The following TBC1D5 variants were observed in gnomAD, a reference collection of about 807,000 sequenced individuals.
The protein encoded by TBC1D5 is TBC1 domain family member 5.
Under a neutral mutation model 100.3 loss-of-function variants are expected in TBC1D5, and 75 were observed. The observed-to-expected ratio is 0.75, with a 90% CI of 0.62 to 0.91. The LOEUF is 0.91. Among genes scored for constraint, TBC1D5 ranks in the 40% least tolerant of loss-of-function variants. The pLI, the probability that TBC1D5 is intolerant of heterozygous loss-of-function variation, is 0.00. For synonymous variants in TBC1D5, 323 were observed against 325.6 expected (o/e 0.99, Z 0.09); for missense variants, 910 against 942.4 (o/e 0.97, Z 0.45).
intron 8 of TBC1D5, among the ~76,000 whole-genome samples, chr3:17,385,859 A>G (rs911288170): frequency 6.6e-6 from 1 of 152,092 alleles, no homozygotes; most frequent in African/African-American, 2.4e-5. Context: ...TAGGGGTGGC[A>G]CAATTAACTT....
At chr3:17,288,754 C>G (rs773649036) in intron 15 of TBC1D5, among the ~76,000 whole-genome samples, 6 of 152,158 alleles carry the variant, frequency 3.9e-5, no homozygotes, top group Non-Finnish European at 5.9e-5. Context: ...CCCTCCTCAC[C>G]CTTCAATTGT....
chr3:17,515,708 G>A (rs1298836870), intron 2 of TBC1D5, among the ~76,000 whole-genome samples: 1 of 152,108 alleles, frequency 6.6e-6, no homozygotes, highest in Non-Finnish European at 1.5e-5. Context: ...TCGCATGCAA[G>A]CTGTTTCGAA....
intron 13 of TBC1D5, among the ~76,000 whole-genome samples, chr3:17,327,288 C>T (rs1344052526): frequency 6.6e-6 from 1 of 152,138 alleles, no homozygotes; most frequent in East Asian, 1.9e-4. Context: ...CTCTTGTCTT[C>T]CTATAGTCCA....
intron 17 of TBC1D5, 99 bp from the exon 18 acceptor site, chr3:17,233,849 C>T (rs1340429717): frequency 1.6e-6 from 1 of 640,382 alleles, no homozygotes; most frequent in Admixed American, 3.5e-5. Context: ...AATCAAATTA[C>T]TAAAAATATA....
At chr3:17,399,409 T>C (rs1460410215) in intron 8 of TBC1D5, among the ~76,000 whole-genome samples, 1 of 152,098 alleles carries the variant, frequency 6.6e-6, no homozygotes. Context: ...CAGAAACTTA[T>C]GAATGTGAGA....
chr3:17,354,616 C>T (rs557192680), intron 13 of TBC1D5, among the ~76,000 whole-genome samples: 1 of 151,380 alleles, frequency 6.6e-6, no homozygotes, highest in Non-Finnish European at 1.5e-5. Flanking sequence ...ATTGAGTGAG[C>T]GATGAAAACC....
At chr3:17,480,064 A>G (rs1346154677) in intron 3 of TBC1D5, among the ~76,000 whole-genome samples, 1 of 152,176 alleles carries the variant, frequency 6.6e-6, no homozygotes, top group Non-Finnish European at 1.5e-5. Flanking sequence ...TCTGGAGTGA[A>G]GCAAAGCTGT....
chr3:17,567,363 C>T (rs1485973598), intron 2 of TBC1D5, among the ~76,000 whole-genome samples: 2 of 151,644 alleles, frequency 1.3e-5, no homozygotes, highest in African/African-American at 2.4e-5. Flanking sequence ...TGTTCAAACC[C>T]TTACTAACTC....
intron 1 of TBC1D5, among the ~76,000 whole-genome samples, chr3:17,732,093 A>G (rs914908549): frequency 6.6e-6 from 1 of 151,166 alleles, no homozygotes; most frequent in African/African-American, 2.4e-5. Flanking sequence ...CGAGGCAGGC[A>G]GATCACTTGA....
intron 2 of TBC1D5, among the ~76,000 whole-genome samples, chr3:17,550,327 T>C (rs956102846): frequency 2.0e-5 from 3 of 152,154 alleles, no homozygotes; most frequent in African/African-American, 7.2e-5. Context: ...ATTTCCCCAT[T>C]ACCTTGCTGA....
At chr3:17,233,999 G>C (rs1158628520) in intron 17 of TBC1D5, among the ~76,000 whole-genome samples, 1 of 151,978 alleles carries the variant, frequency 6.6e-6, no homozygotes, top group African/African-American at 2.4e-5. Context: ...CTAGAGTATA[G>C]GAAACTTCAG....
At chr3:17,240,118 A>G (rs1222383821) in intron 16 of TBC1D5, among the ~76,000 whole-genome samples, 2 of 152,176 alleles carry the variant, frequency 1.3e-5, no homozygotes, top group Non-Finnish European at 2.9e-5. Flanking sequence ...TTGCTGTAAA[A>G]CAGAACAGAT....
intron 15 of TBC1D5, among the ~76,000 whole-genome samples, chr3:17,272,270 AT>A (rs959446644): frequency 6.6e-6 from 1 of 152,160 alleles, no homozygotes; most frequent in Non-Finnish European, 1.5e-5. Flanking sequence ...GCAATAGACA[AT>A]TTTTTTAAAA....
At chr3:17,279,310 C>T (rs2080339136) in intron 15 of TBC1D5, among the ~76,000 whole-genome samples, 1 of 152,112 alleles carries the variant, frequency 6.6e-6, no homozygotes, top group Non-Finnish European at 1.5e-5. Context: ...GATAATGCAA[C>T]CCACTTAACT....
intron 13 of TBC1D5, among the ~76,000 whole-genome samples, chr3:17,360,386 T>C (rs142237577): frequency 2.2e-4 from 34 of 152,152 alleles, no homozygotes; most frequent in African/African-American, 6.3e-4. Context: ...GTCTGGTTAG[T>C]GACTTTAAGA....
intron 1 of TBC1D5, among the ~76,000 whole-genome samples, chr3:17,642,502 T>C (rs1232241310): frequency 6.6e-6 from 1 of 152,158 alleles, no homozygotes; most frequent in Admixed American, 6.5e-5. Flanking sequence ...ATACCTACTA[T>C]TCACTCACTT....
chr3:17,686,195 C>T lies in TBC1D5; in HGVS notation c.-101+53148G>A, dbSNP rs575677243. Among the ~76,000 whole-genome samples the T allele has an allele frequency of 2.0e-5, 3 of 152,190 alleles. No homozygotes were observed. The East Asian group carries it at 5.8e-4, about 29-fold the overall frequency. On this transcript the variant is annotated intron_variant, in intron 1 of 21. Transcript: ENST00000253692. ...TCCTTGAAAGAACACGATGAGATCC[C>T]TTAACTGTTACAATCTGAATGTAGT...
At chr3:17,406,802 A>C (rs1017618972) in intron 4 of TBC1D5, 2 of 318,446 alleles carry the variant, frequency 6.3e-6, no homozygotes, top group African/African-American at 4.3e-5. Context: ...CTGATAGTAC[A>C]GTTCAGTGAG....
At chr3:17,433,935 A>C (rs2094489961) in intron 3 of TBC1D5, among the ~76,000 whole-genome samples, 1 of 152,188 alleles carries the variant, frequency 6.6e-6, no homozygotes, top group Non-Finnish European at 1.5e-5. Context: ...TCCAAGAGGC[A>C]GTAATTAAAC....
Sources: allele counts gnomAD v4.1 joint callset (sites outside exome capture counted in the v4.1 genomes callset), GRCh38; gene constraint gnomAD v4.1.1; transcripts MANE v1.5; gene names NCBI Gene and HGNC (gene_info 2026-07-23, HGNC 2026-07-21).